RPP14: variants seen among roughly 807,000 people sequenced by gnomAD.
RPP14 encodes the protein ribonuclease P/MRP subunit p14.
In RPP14, 19 loss-of-function variants were observed where a neutral mutation model predicts 17.8. The ratio of observed to expected loss-of-function variants is 1.07; its 90% CI spans 0.74 to 1.57. The LOEUF is 1.57. Among genes scored for constraint, RPP14 ranks in the 40% most tolerant of loss-of-function variants. The pLI is 0.00. For synonymous variants in RPP14, 60 were observed against 56.4 expected (o/e 1.06, Z -0.29); for missense variants, 125 against 140.8 (o/e 0.89, Z 0.57).
At chr3:58,308,123 C>T (rs2097477658) in intron 1 of RPP14, 1 of 152,150 alleles carries the variant, frequency 6.6e-6, no homozygotes, top group Admixed American at 6.5e-5. Flanking sequence ...CTTGTTCTCC[C>T]TGCCCTTCTA....
chr3:58,307,194 G>A lies in RPP14; in HGVS notation c.-22+777G>A, dbSNP rs75634482. 4.7e-3 allele frequency among the ~76,000 whole-genome samples: 711 copies of A among 152,338 alleles called. 5 individuals carry two copies. Among genetic ancestry groups the A allele is most frequent in the African/African-American group, 0.016 (680 of 41,586 alleles). ...AATGGCAGGACATGAAGTCAGAGGT[G>A]TAGAGGGAGCAGTCCTGCAGGTGAG... is the stretch of plus-strand genomic sequence containing the variant. On this transcript the variant is annotated intron_variant, in intron 1 of 5. Transcript: ENST00000295959.
At chr3:58,308,229 A>G (rs1412198461) in intron 1 of RPP14, among the ~76,000 whole-genome samples, 2 of 152,094 alleles carry the variant, frequency 1.3e-5, no homozygotes, top group Non-Finnish European at 2.9e-5. Context: ...GGCCTATACC[A>G]CTATCACTTT....
In RPP14 at chr3:58,319,358, ATAGT is replaced by A. The variant is rs539366299; in HGVS notation, c.*1864_*1867del. 6.6e-6 allele frequency: 1 copy of A among 152,148 alleles called. No homozygotes were observed. Among genetic ancestry groups the A allele is most frequent in the South Asian group, 2.1e-4 (1 of 4,830 alleles). 9.4% of individuals were successfully genotyped at this position (152,148 alleles called of 1,614,324 possible). ...ATAGTGGTAGCACATGCCATGTGGG[ATAGT>A]TGGTGGAGATGATAGATGGAGTTAA... On this transcript the variant is annotated 3_prime_UTR_variant, in exon 6 of 6. Transcript: ENST00000295959.
intron 3 of RPP14, among the ~76,000 whole-genome samples, chr3:58,310,811 T>C (rs1396931018): frequency 6.6e-6 from 1 of 151,668 alleles, no homozygotes; most frequent in Non-Finnish European, 1.5e-5. Flanking sequence ...GCACCTGTAA[T>C]CCCAGCTACT....
In RPP14 at chr3:58,319,683, A is replaced by G. The variant is rs1354062598; in HGVS notation, c.*2187A>G. 1 of 152,140 alleles carries G rather than the reference A, an allele frequency of 6.6e-6. No homozygotes were observed. Among genetic ancestry groups the G allele is most frequent in the African/African-American group, 2.4e-5 (1 of 41,426 alleles). The allele number at this position is 152,140 out of a possible 1,614,324, so 9.4% of individuals were successfully genotyped here. ...AATATTAAGAAGATTATGGAGGCCA[A>G]ATTCTTAAGACTTTGGGGGCTGGGG... On this transcript the variant is annotated 3_prime_UTR_variant, in exon 6 of 6. Transcript: ENST00000295959.
At chr3:58,308,729 C>A (rs531408614) in intron 1 of RPP14, among the ~76,000 whole-genome samples, 27 of 152,302 alleles carry the variant, frequency 1.8e-4, no homozygotes, top group African/African-American at 6.3e-4. Context: ...AAGTCCCTTT[C>A]CTTGATTGGG....
chr3:58,318,042 A>G lies in RPP14; in HGVS notation c.*546A>G, dbSNP rs1336646719. The G allele has an allele frequency of 1.4e-6, 1 of 699,452 alleles. No individual in the cohort carries two copies. Among genetic ancestry groups the G allele is most frequent in the African/African-American group, 1.8e-5 (1 of 56,890 alleles). 43.3% of individuals were successfully genotyped at this position (699,452 alleles called of 1,614,324 possible). On this transcript the variant is annotated 3_prime_UTR_variant, in exon 6 of 6. Transcript: ENST00000295959. ...GGTTCATTGCTATTATTGCAGTGTCATGTTCTGTAATAGAAAGTAAAAAGA... is the reference window on the plus strand; with the variant it reads ...GGTTCATTGCTATTATTGCAGTGTCGTGTTCTGTAATAGAAAGTAAAAAGA...
rs1280248271 is a variant in RPP14, at chr3:58,318,139, G to A, written c.*643G>A. The A allele has an allele frequency of 1.6e-6, 1 of 623,650 alleles. No individual in the cohort carries two copies. Among genetic ancestry groups the A allele is most frequent in the East Asian group, 2.7e-5 (1 of 36,834 alleles). 38.6% of individuals were successfully genotyped at this position (623,650 alleles called of 1,614,324 possible). A position where few individuals can be genotyped will look rare whatever the true frequency, so the allele number is the denominator to read the frequency against. ...ATCCTGAAATAGATGTTTTAAAGAT[G>A]CAACCTCAAACACCAATGCTGTTGT... On this transcript the variant is annotated 3_prime_UTR_variant, in exon 6 of 6. Coordinates refer to ENST00000295959, the MANE Select transcript of RPP14 (RefSeq NM_007042.6).
At position 58,317,804 on chromosome 3, in the gene RPP14, A is replaced by G. The variant is rs994739624; in HGVS notation, c.*308A>G. ...TTCTCAGAATTAACAGGGGATGTCA[A>G]TCCTTTGCATTTGAATGAAGACTTT... On this transcript the variant is annotated 3_prime_UTR_variant, in exon 6 of 6. Transcript: ENST00000295959. 10 of 702,928 alleles carry G rather than the reference A, an allele frequency of 1.4e-5. No individual in the cohort carries two copies. The highest frequency in any genetic ancestry group is 6.0e-5 in the Admixed American group (3 of 49,990). 43.5% of individuals were successfully genotyped at this position (702,928 alleles called of 1,614,324 possible). A position where few individuals can be genotyped will look rare whatever the true frequency, so the allele number is the denominator to read the frequency against.
At chr3:58,313,648 C>A (rs2097484813) in intron 3 of RPP14, among the ~76,000 whole-genome samples, 1 of 152,038 alleles carries the variant, frequency 6.6e-6, no homozygotes, top group African/African-American at 2.4e-5. Context: ...CTGGTGAAAC[C>A]CCATCTCTAC....
chr3:58,308,466 T>G (rs1303809304), intron 1 of RPP14, among the ~76,000 whole-genome samples: 4 of 65,018 alleles, frequency 6.2e-5, no homozygotes, highest in Admixed American at 1.7e-4. Context: ...GTTTTTTTGT[T>G]TTTTTTTTTA....
Position 58,310,527 on chromosome 3 carries a change from T to G in RPP14, c.98T>G (p.Val33Gly). 6.2e-7 allele frequency: 1 copy of G among 1,611,412 alleles called. No individual in the cohort carries two copies. Among genetic ancestry groups the G allele is most frequent in the Non-Finnish European group, 8.5e-7 (1 of 1,179,330 alleles). ...TTTAGAGAATTTCAAGATTGTGGAG[T>G]TGGACTGAATGCTGCACAGTTCAAA... ...KVCLEFQDCGVGLNAAQFKQL... is the reference protein window; with the variant it reads ...KVCLEFQDCGGGLNAAQFKQL... Residue 33 changes from valine to glycine, a missense_variant, in exon 3 of 6, where the codon GTT becomes GGT. Val to Gly is a moderately radical substitution (Grantham distance 109). Coordinates refer to ENST00000295959, the MANE Select transcript of RPP14 (RefSeq NM_007042.6).
chr3:58,310,703 G>T lies in RPP14; in HGVS notation c.162+112G>T, dbSNP rs149120037. On this transcript the variant is annotated intron_variant, in intron 3 of 5. Transcript: ENST00000295959. Reference sequence around the variant, plus strand: ...ATCCCAGCACTTTGGAGGCCGAGGTGGGCAGATCATGAGGTCAAGAGATCG... The same window carrying T: ...ATCCCAGCACTTTGGAGGCCGAGGTTGGCAGATCATGAGGTCAAGAGATCG... 578 of 814,498 alleles carry T rather than the reference G, an allele frequency of 7.1e-4. No individual in the cohort carries two copies. In the African/African-American group the frequency reaches 8.7e-3, roughly 12 times the overall value. The allele number at this position is 814,498 out of a possible 1,614,324, so 50.5% of individuals were successfully genotyped here.
At chr3:58,316,805 A>G in intron 4 of RPP14, 110 bp from the exon 5 acceptor site, 1 of 1,022,480 alleles carries the variant, frequency 9.8e-7, no homozygotes, top group Non-Finnish European at 1.5e-6. Flanking sequence ...TAGTTTTCCC[A>G]TTGATGGTTA....
In RPP14 at chr3:58,317,000, A is replaced by T. The variant is rs759978314; in HGVS notation, c.318+7A>T. On this transcript the variant is annotated splice_region_variant and intron_variant, in intron 5 of 5. Coordinates refer to ENST00000295959, the MANE Select transcript of RPP14 (RefSeq NM_007042.6). ...TGCTTTCCGGGTGATTCAGGTAAAG[A>T]CTATTCCCTCACATATTCCAAACAA... 6.2e-7 allele frequency: 1 copy of T among 1,606,138 alleles called. No homozygotes were observed. The highest frequency in any genetic ancestry group is 1.1e-5 in the South Asian group (1 of 90,746).
At chr3:58,311,590 A>G (rs1187208477) in intron 3 of RPP14, among the ~76,000 whole-genome samples, 5 of 151,220 alleles carry the variant, frequency 3.3e-5, no homozygotes, top group Non-Finnish European at 7.4e-5. Context: ...ATTCTTTTTT[A>G]TGGCTGAATA....
chr3:58,312,261 TTTTA>T (rs2097483044), intron 3 of RPP14, among the ~76,000 whole-genome samples: 1 of 151,814 alleles, frequency 6.6e-6, no homozygotes, highest in Non-Finnish European at 1.5e-5. Flanking sequence ...TTTATTTTAT[TTTTA>T]TTTATTTATT....
chr3:58,307,085 C>T (rs1211787660), intron 1 of RPP14, among the ~76,000 whole-genome samples: 1 of 152,070 alleles, frequency 6.6e-6, no homozygotes, highest in Non-Finnish European at 1.5e-5. Flanking sequence ...AAGCTAGAGC[C>T]GAGGCCCAGC....
In RPP14 at chr3:58,316,960, T is replaced by C. The variant is rs1029034828; in HGVS notation, c.285T>C (p.Tyr95=). Residue 95 remains tyrosine, a synonymous_variant, in exon 5 of 6, where the codon TAT becomes TAC. Coordinates refer to ENST00000295959, the MANE Select transcript of RPP14 (RefSeq NM_007042.6). ...GCTCTTTGACCCTGTTAGGATCCTA[T>C]AAAGGCAAAAAATGTGCTTTCCGGG... ...LWSSLTLLGS[Y]KGKKCAFRVI... is the part of the protein sequence containing the mutation. 4 of 1,613,796 alleles carry C rather than the reference T, an allele frequency of 2.5e-6. No homozygotes were observed. Among genetic ancestry groups the C allele is most frequent in the Admixed American group, 1.7e-5 (1 of 59,964 alleles).
Sources: gnomAD v4.1 joint callset for allele counts (sites outside exome capture counted in the v4.1 genomes callset) on GRCh38, gnomAD v4.1.1 for gene constraint, MANE v1.5 for transcripts, NCBI Gene and HGNC (gene_info 2026-07-23, HGNC 2026-07-21) for gene names.